The following RANBP17 variants were observed in gnomAD, a reference collection of about 807,000 sequenced individuals.
RANBP17 encodes ran-binding protein 17.
In RANBP17, 158 loss-of-function variants were observed where a neutral mutation model predicts 141.2. The observed-to-expected ratio is 1.12, with a 90% confidence interval of 0.98 to 1.28. The LOEUF (loss-of-function observed/expected upper bound fraction) is 1.28. RANBP17 is among the 50% of genes most tolerant of loss of function. The pLI is 0.00. For missense variants in RANBP17, 1,438 were observed against 1,290.7 expected (o/e 1.11, Z -1.75); for synonymous variants, 430 against 450.0 (o/e 0.96, Z 0.56).
intron 19 of RANBP17, among the ~76,000 whole-genome samples, chr5:171,204,574 A>G (rs1450121482): frequency 6.6e-6 from 1 of 152,096 alleles, no homozygotes; most frequent in Non-Finnish European, 1.5e-5. Flanking sequence ...GTATATCTCA[A>G]TTATCGCACC....
chr5:170,915,800 C>T (rs1314239774), intron 8 of RANBP17, among the ~76,000 whole-genome samples: 4 of 151,972 alleles, frequency 2.6e-5, no homozygotes, highest in African/African-American at 9.7e-5. Context: ...ATTTCCCAAA[C>T]ATACTGTACC....
intron 21 of RANBP17, among the ~76,000 whole-genome samples, chr5:171,215,634 T>C (rs1420640398): frequency 6.6e-6 from 1 of 152,216 alleles, no homozygotes; most frequent in East Asian, 1.9e-4. Context: ...TGGTTTTGAT[T>C]TGCATTTCTC....
Position 171,104,283 on chromosome 5 carries a change from C to T in RANBP17, c.1711-65847C>T, listed in dbSNP as rs143508533. ...AACACCCAACCTCAGGTGATCCGCCCGCCTCAGCTTCCCAAAGTGCTGGGA... is the reference window on the plus strand; with the variant it reads ...AACACCCAACCTCAGGTGATCCGCCTGCCTCAGCTTCCCAAAGTGCTGGGA... On this transcript the variant is annotated intron_variant, in intron 14 of 27. Transcript: ENST00000523189. Among the ~76,000 whole-genome samples, 437 of 152,250 alleles carry T rather than the reference C, an allele frequency of 2.9e-3. 1 individual carries two copies. Among genetic ancestry groups the T allele is most frequent in the African/African-American group, 6.5e-3 (270 of 41,548 alleles).
Position 171,006,077 on chromosome 5 carries a change from A to G in RANBP17, c.1710+37700A>G, listed in dbSNP as rs779334970. Among the ~76,000 whole-genome samples the G allele has an allele frequency of 5.7e-3, 868 of 152,240 alleles. 6 individuals carry two copies. Among genetic ancestry groups the G allele is most frequent in the Non-Finnish European group, 9.9e-3 (676 of 67,946 alleles). Reference sequence around the variant, plus strand: ...TCTCACACCAGTTAGAATGGCAATCATTAAAAAGTCAGGAAACAACAGGTG... The same window carrying G: ...TCTCACACCAGTTAGAATGGCAATCGTTAAAAAGTCAGGAAACAACAGGTG... On this transcript the variant is annotated intron_variant, in intron 14 of 27. Transcript: ENST00000523189.
At position 171,037,143 on chromosome 5, in the gene RANBP17, T is replaced by A. The variant is rs368857852; in HGVS notation, c.1710+68766T>A. The stretch of plus-strand genomic sequence containing the variant: ...TTTGACTTTTTAATAATAGCCATCC[T>A]GACTGGTATGCAATGGTATCTTACT... On this transcript the variant is annotated intron_variant, in intron 14 of 27. Transcript: ENST00000523189. Among the ~76,000 whole-genome samples the A allele has an allele frequency of 2.0e-5, 3 of 152,290 alleles. No homozygotes were observed. The East Asian group carries it at 5.8e-4, about 29-fold the overall frequency.
At chr5:171,008,593 G>C (rs1000467475) in intron 14 of RANBP17, among the ~76,000 whole-genome samples, 1 of 152,192 alleles carries the variant, frequency 6.6e-6, no homozygotes, top group African/African-American at 2.4e-5. Flanking sequence ...AATGTTTTGC[G>C]GGTAGGGGGT....
chr5:170,905,416 T>C (rs1770997262), intron 5 of RANBP17, among the ~76,000 whole-genome samples: 2 of 152,098 alleles, frequency 1.3e-5, no homozygotes. Context: ...ACTTGCCAAC[T>C]CCCTTTGGAG....
intron 27 of RANBP17, among the ~76,000 whole-genome samples, chr5:171,298,292 G>A (rs1768946166): frequency 6.6e-6 from 1 of 152,136 alleles, no homozygotes; most frequent in Non-Finnish European, 1.5e-5. Context: ...GTCTAACCCA[G>A]TGCCCCCTCT....
intron 14 of RANBP17, among the ~76,000 whole-genome samples, chr5:170,976,712 A>G (rs1777400965): frequency 6.6e-6 from 1 of 151,974 alleles, no homozygotes; most frequent in Non-Finnish European, 1.5e-5. Flanking sequence ...AAACCTTCAC[A>G]TTTGTAGTCA....
At chr5:170,896,330 A>G (rs1770117860) in intron 5 of RANBP17, 5 of 478,062 alleles carry the variant, frequency 1.0e-5, no homozygotes, top group Middle Eastern at 5.1e-4. Context: ...AGTACAGAGT[A>G]TTACAAAGAA....
Position 170,918,781 on chromosome 5 carries a change from G to A in RANBP17, c.1023G>A (p.Gln341=). 1 of 1,607,074 alleles carries A rather than the reference G, an allele frequency of 6.2e-7. No individual in the cohort carries two copies. The highest frequency in any genetic ancestry group is 1.7e-5 in the Admixed American group (1 of 59,456). The part of the protein sequence containing the change: ...RFLARLKTNY[Q]LGELVMVKEY... Reference sequence around the variant, plus strand: ...TGGCTCGTTTAAAGACAAATTATCAGCTGGGAGAATTAGTTATGGTGAAGG... The same window carrying A: ...TGGCTCGTTTAAAGACAAATTATCAACTGGGAGAATTAGTTATGGTGAAGG... Residue 341 remains glutamine, a synonymous_variant, in exon 10 of 28, where the codon CAG becomes CAA. Coordinates refer to ENST00000523189, the MANE Select transcript of RANBP17 (RefSeq NM_022897.5).
chr5:171,162,619 C>G (rs1020037257), intron 14 of RANBP17, among the ~76,000 whole-genome samples: 1 of 152,174 alleles, frequency 6.6e-6, no homozygotes, highest in African/African-American at 2.4e-5. Context: ...TAGAAACTGA[C>G]TCAGAAATAT....
rs1214167134 is a variant in RANBP17, at chr5:171,028,812, AAGG to A, written c.1710+60438_1710+60440del. The A allele has an allele frequency of 7.3e-5, 59 of 805,602 alleles. No individual in the cohort carries two copies. The African/African-American group carries it at 9.1e-4, about 12-fold the overall frequency. 49.9% of individuals were successfully genotyped at this position (805,602 alleles called of 1,614,324 possible). A position where few individuals can be genotyped will look rare whatever the true frequency, so the allele number is the denominator to read the frequency against. On this transcript the variant is annotated intron_variant, in intron 14 of 27. Coordinates refer to ENST00000523189, the MANE Select transcript of RANBP17 (RefSeq NM_022897.5). ...CCTGCCTTTTTTCCCTCTCCTAAGA[AAGG>A]AGAATTCATCCACTGCCACTGTACC...
chr5:171,261,979 C>G (rs1010414627), intron 24 of RANBP17, among the ~76,000 whole-genome samples: 1 of 152,106 alleles, frequency 6.6e-6, no homozygotes, highest in Non-Finnish European at 1.5e-5. Flanking sequence ...AGTCCTCAAC[C>G]ATAAATCAAC....
At chr5:170,926,226 G>A (rs921803071) in intron 12 of RANBP17, among the ~76,000 whole-genome samples, 2 of 152,086 alleles carry the variant, frequency 1.3e-5, no homozygotes, top group African/African-American at 4.8e-5. Context: ...GACCATACTC[G>A]TGTCTGTGTT....
chr5:171,123,925 A>G (rs773628510), intron 14 of RANBP17, among the ~76,000 whole-genome samples: 22 of 152,232 alleles, frequency 1.4e-4, no homozygotes, highest in Non-Finnish European at 2.6e-4. Context: ...GAAGCAACTT[A>G]CCAAGATGCA....
chr5:170,953,633 T>C lies in RANBP17; in HGVS notation c.1505T>C (p.Val502Ala), dbSNP rs1775376865. Residue 502 changes from valine to alanine, a missense_variant, in exon 13 of 28, where the codon GTT becomes GCT. Physicochemically the swap from Val to Ala is moderately conservative, Grantham distance 64 (BLOSUM62 0). Coordinates refer to ENST00000523189, the MANE Select transcript of RANBP17 (RefSeq NM_022897.5). ...LAWLVYLVGT[V>A]VGGRLTYTST... ...TGGCTGGTATACTTAGTTGGGACAG[T>C]TGTAGGAGGAAGATTAACATATACC... 1.2e-6 allele frequency: 2 copies of C among 1,612,152 alleles called. No homozygotes were observed. The highest frequency in any genetic ancestry group is 1.7e-6 in the Non-Finnish European group (2 of 1,178,574).
At chr5:171,129,911 T>G (rs1350375374) in intron 14 of RANBP17, among the ~76,000 whole-genome samples, 1 of 152,130 alleles carries the variant, frequency 6.6e-6, no homozygotes, top group Non-Finnish European at 1.5e-5. Context: ...ATGAATAGTA[T>G]TAGATGGAGC....
chr5:170,936,748 T>C (rs1397367163), intron 12 of RANBP17, among the ~76,000 whole-genome samples: 1 of 152,202 alleles, frequency 6.6e-6, no homozygotes, highest in African/African-American at 2.4e-5. Flanking sequence ...GTTCATATAT[T>C]CTTTGTCTTT....
Sources: allele counts gnomAD v4.1 joint callset (sites outside exome capture counted in the v4.1 genomes callset), GRCh38; gene constraint gnomAD v4.1.1; transcripts MANE v1.5; gene names NCBI Gene and HGNC (gene_info 2026-07-23, HGNC 2026-07-21).